Variants in MSH6 observed in about 807,000 individuals in gnomAD.
MSH6 encodes DNA mismatch repair protein Msh6.
Under a neutral mutation model 119.1 loss-of-function variants are expected in MSH6, and 85 were observed. That is an observed-to-expected ratio of 0.71 (90% CI 0.60 to 0.85). The LOEUF is 0.85. MSH6 is among the 40% of genes least tolerant of loss of function. MSH6 has a pLI of 0.00. For synonymous variants in MSH6, 830 were observed against 586.9 expected (o/e 1.41, Z -5.99); for missense variants, 2,163 against 1,655.3 (o/e 1.31, Z -5.32).
chr2:47,809,832 A>T, downstream of MSH6: 3 of 606,644 alleles, frequency 4.9e-6, no homozygotes, highest in South Asian at 4.3e-5. Flanking sequence ...ATGTCTACTG[A>T]ATAAAATGTA....
downstream of MSH6, chr2:47,808,502 A>ATG (rs1265029275): frequency 1.5e-4 from 199 of 1,312,528 alleles, no homozygotes; most frequent in Non-Finnish European, 2.0e-4. Flanking sequence ...TTTATATATT[A>ATG]CTATGACCTT....
Position 47,783,204 on chromosome 2 carries a change from C to A in MSH6, c.-30C>A. 2 of 1,610,012 alleles carry A rather than the reference C, an allele frequency of 1.2e-6. No individual in the cohort carries two copies. The highest frequency in any genetic ancestry group is 1.1e-5 in the South Asian group (1 of 90,614). On this transcript the variant is annotated 5_prime_UTR_variant, in exon 1 of 10. Transcript: ENST00000234420. ...CGGTGCTTTTAGGAGCTCCGTCCGACAGAACGGTTGGGCCTTGCCGGCTGT... is the reference window on the plus strand; with the variant it reads ...CGGTGCTTTTAGGAGCTCCGTCCGAAAGAACGGTTGGGCCTTGCCGGCTGT...
chr2:47,809,502 C>G (rs1670465871), downstream of MSH6: 2 of 891,116 alleles, frequency 2.2e-6, no homozygotes, highest in Non-Finnish European at 3.5e-6. Context: ...CTGTTGCTAA[C>G]TTGGAGAGTG....
chr2:47,809,032 T>G (rs1670430661), downstream of MSH6: 2 of 594,864 alleles, frequency 3.4e-6, no homozygotes, highest in South Asian at 2.2e-5. Flanking sequence ...TCAAGTAGAT[T>G]GATGATAAAA....
At chr2:47,803,786 C>A in intron 5 of MSH6, 101 bp downstream of exon 5, 2 of 1,384,816 alleles carry the variant, frequency 1.4e-6, no homozygotes, top group Non-Finnish European at 1.0e-6. Context: ...TAAAAGTCAG[C>A]CAGTGACTTA....
intron 1 of MSH6, chr2:47,783,812 C>T (rs1045617805): frequency 5.0e-6 from 3 of 597,742 alleles, no homozygotes; most frequent in Non-Finnish European, 4.3e-6. Context: ...GGGCGACGCG[C>T]GCAGCTCCGG....
At position 47,799,521 on chromosome 2, in the gene MSH6, T is replaced by C. The variant is rs1060502908; in HGVS notation, c.1538T>C (p.Ile513Thr). ...TATGATAGAGTGGTGAGGAGGGAGA[T>C]CTGTAGGATCATTACCAAGGGTACA... is the stretch of plus-strand genomic sequence containing the variant. The part of the protein sequence containing the change: ...SKYDRVVRRE[I>T]CRIITKGTQT... The change falls in exon 4 of 10, where the codon ATC becomes ACC. Residue 513 changes from isoleucine (I) to threonine (T), a missense_variant. Physicochemically the swap from Ile to Thr is moderately conservative, Grantham distance 89. Transcript: ENST00000234420. The C allele has an allele frequency of 7.4e-6, 12 of 1,614,010 alleles. No individual in the cohort carries two copies. The highest frequency in any genetic ancestry group is 1.0e-5 in the Non-Finnish European group (12 of 1,179,998).
At chr2:47,808,465 G>A, downstream of MSH6, 1 of 1,510,082 alleles carries the variant, frequency 6.6e-7, no homozygotes, top group Non-Finnish European at 8.9e-7. Context: ...TCTCAAACAT[G>A]TCATTAATGC....
rs61754782 is a variant in MSH6, at chr2:47,799,408, G to A, written c.1425G>A (p.Gln475=). Residue 475 remains glutamine (Q), a synonymous_variant, in exon 4 of 10, where the codon CAG becomes CAA. Transcript: ENST00000234420. ...GCCGTTATTCAGATTCCCTGGTGCAGAAGGGCTATAAAGTAGCACGAGTGG... is the reference window on the plus strand; with the variant it reads ...GCCGTTATTCAGATTCCCTGGTGCAAAAGGGCTATAAAGTAGCACGAGTGG... ...AFGRYSDSLV[Q]KGYKVARVEQ... The A allele has an allele frequency of 6.2e-7, 1 of 1,614,170 alleles. No individual in the cohort carries two copies.
intron 1 of MSH6, 125 bp downstream of exon 1, chr2:47,783,618 G>A: frequency 9.7e-7 from 1 of 1,027,096 alleles, no homozygotes; most frequent in Non-Finnish European, 1.3e-6. Context: ...GGAGGAGGCG[G>A]GGCCGCAGAG....
chr2:47,806,149 C>CTTTTTTGTTTT, intron 7 of MSH6, 55 bp from the exon 8 acceptor site: 1 of 1,275,486 alleles, frequency 7.8e-7, no homozygotes, highest in Admixed American at 1.9e-5. Context: ...GTTTTAATTC[C>CTTTTTTGTTTT]TTTTTTGTTT....
rs587782625 is a variant in MSH6 at position 47,804,923 on chromosome 2, C to G, written c.3452C>G (p.Ala1151Gly). 32 of 1,613,946 alleles carry G rather than the reference C, an allele frequency of 2.0e-5. No homozygotes were observed. Among genetic ancestry groups the G allele is most frequent in the Non-Finnish European group, 2.6e-5 (31 of 1,179,802 alleles). ...CCTCATTCACAGGCTGGCTTATTAG[C>G]TGTAATGGCCCAGATGGGTTGTTAC... is the stretch of plus-strand genomic sequence containing the variant. The part of the protein sequence containing the change: ...STLMRQAGLL[A>G]VMAQMGCYVP... Residue 1151 changes from alanine to glycine, a missense_variant, in exon 6 of 10, where the codon GCT (alanine) becomes GGT (glycine). Physicochemically the swap from Ala to Gly is moderately conservative, Grantham distance 60. Coordinates refer to ENST00000234420, the MANE Select transcript of MSH6 (RefSeq NM_000179.3).
intron 1 of MSH6, among the ~76,000 whole-genome samples, chr2:47,787,293 AAAAAT>A (rs1359333574): frequency 3.9e-5 from 6 of 152,320 alleles, no homozygotes; most frequent in South Asian, 2.1e-4. Context: ...CTGTCTGCCA[AAAAAT>A]AAAATAAAAG....
At position 47,798,882 on chromosome 2, in the gene MSH6, G is replaced by C. The variant is rs55760494; in HGVS notation, c.899G>C (p.Arg300Pro). ...AGCCCTGTCAAAGTTGCTCGAAAGC[G>C]GAAGAGAATGGTGACTGGAAATGGC... ...LNSPVKVARK[R>P]KRMVTGNGSL... The change falls in exon 4 of 10, where the codon CGG (arginine) becomes CCG (proline). Residue 300 changes from arginine to proline, a missense_variant. Arg to Pro is a moderately radical substitution (Grantham distance 103). Transcript: ENST00000234420. The C allele has an allele frequency of 2.5e-6, 4 of 1,614,180 alleles. No individual in the cohort carries two copies. In the East Asian group the frequency reaches 8.9e-5, roughly 36 times the overall value.
At chr2:47,785,488 G>A (rs1443743229) in intron 1 of MSH6, among the ~76,000 whole-genome samples, 2 of 152,140 alleles carry the variant, frequency 1.3e-5, no homozygotes, top group Non-Finnish European at 2.9e-5. Flanking sequence ...AAAGTGCTGG[G>A]ATTACAGGTG....
At chr2:47,783,591 G>T in intron 1 of MSH6, 98 bp downstream of exon 1, 4 of 1,245,380 alleles carry the variant, frequency 3.2e-6, no homozygotes, top group Non-Finnish European at 4.2e-6. Flanking sequence ...GGGGGTGCAC[G>T]GCCTGGCCCT....
chr2:47,796,355 A>AAT (rs1558657023), intron 3 of MSH6, among the ~76,000 whole-genome samples: 2 of 152,190 alleles, frequency 1.3e-5, no homozygotes, highest in African/African-American at 2.4e-5. Context: ...AAGATGGAGT[A>AAT]ATATATATAT....
At chr2:47,785,014 G>A (rs536093260) in intron 1 of MSH6, 4 of 151,832 alleles carry the variant, frequency 2.6e-5, no homozygotes, top group East Asian at 1.9e-4. Flanking sequence ...TAGTAGAGAC[G>A]GGTTTCACTA....
intron 1 of MSH6, among the ~76,000 whole-genome samples, chr2:47,790,350 G>T (rs534992807): frequency 6.6e-6 from 1 of 152,304 alleles, no homozygotes; most frequent in East Asian, 1.9e-4. Flanking sequence ...CTTGAACCGG[G>T]GAGGCACGTT....
Sources: gnomAD v4.1 joint callset for allele counts (sites outside exome capture counted in the v4.1 genomes callset) on GRCh38, gnomAD v4.1.1 for gene constraint, MANE v1.5 for transcripts, NCBI Gene and HGNC (gene_info 2026-07-23, HGNC 2026-07-21) for gene names.